The following SH3GLB2 variants were observed in gnomAD, a reference collection of about 807,000 sequenced individuals.
SH3GLB2 encodes the protein endophilin-B2.
SH3GLB2 carries 24 observed loss-of-function variants against 48.0 expected under a neutral mutation model. The ratio of observed to expected loss-of-function variants is 0.50; its 90% CI spans 0.36 to 0.70. The LOEUF is 0.70. Among genes scored for constraint, SH3GLB2 ranks in the 30% least tolerant of loss-of-function variants. The probability of loss-of-function intolerance (pLI) is 0.00; values close to 1 mark genes in which losing one functional copy is unlikely to be tolerated. For missense variants in SH3GLB2, 425 were observed against 516.0 expected, an observed-to-expected ratio of 0.82 and a Z score of 1.71; for synonymous variants, 227 against 207.6, an observed-to-expected ratio of 1.09 and a Z score of -0.80.
In SH3GLB2 at chr9:129,009,096, C is replaced by G. The variant is rs1842929962; in HGVS notation, c.1080+10G>C. 1 of 1,606,352 alleles carries G rather than the reference C, an allele frequency of 6.2e-7. No homozygotes were observed. Among genetic ancestry groups the G allele is most frequent in the Non-Finnish European group, 8.5e-7 (1 of 1,179,702 alleles). ...CCCATTCCTGCCCCACCTTGCGGCA[C>G]CGGGCCCACCTCATCAGCCAGCAGG... On this transcript the variant is annotated intron_variant, in intron 10 of 10. Transcript: ENST00000372564.
intron 10 of SH3GLB2, 136 bp from the exon 11 acceptor site, chr9:129,008,927 A>T: frequency 7.8e-7 from 1 of 1,289,312 alleles, no homozygotes; most frequent in Non-Finnish European, 1.1e-6. Flanking sequence ...CGCTCATCTC[A>T]CTTGCTCCAG....
intron 1 of SH3GLB2, among the ~76,000 whole-genome samples, chr9:129,023,146 G>A (rs1554835165): frequency 6.6e-6 from 1 of 152,210 alleles, no homozygotes; most frequent in Non-Finnish European, 1.5e-5. Flanking sequence ...ATGAGCTGAT[G>A]GGTGCAGAGA....
Position 129,028,296 on chromosome 9 carries a change from G to T in SH3GLB2, c.-142C>A. 2.4e-6 allele frequency: 1 copy of T among 424,988 alleles called. No individual in the cohort carries two copies. The highest frequency in any genetic ancestry group is 3.1e-6 in the Non-Finnish European group (1 of 319,880). 26.3% of individuals were successfully genotyped at this position (424,988 alleles called of 1,614,324 possible). ...CGCCTGCCGGCCTGCCCGCCTGCCC[G>T]CCCGCCGCAGCCGCCGAGCCAGCCC... On this transcript the variant is annotated 5_prime_UTR_variant, in exon 1 of 11. Coordinates refer to ENST00000372564, the MANE Select transcript of SH3GLB2 (RefSeq NM_020145.4).
chr9:129,009,540 C>T (rs953882985), intron 9 of SH3GLB2, 194 bp from the exon 10 acceptor site: 8 of 1,547,678 alleles, frequency 5.2e-6, no homozygotes, highest in East Asian at 2.4e-5. Flanking sequence ...TGCCATCCTC[C>T]CCACCCAGGC....
At chr9:129,013,459 G>A (rs1360750131) in intron 5 of SH3GLB2, 3 of 200,412 alleles carry the variant, frequency 1.5e-5, no homozygotes, top group Non-Finnish European at 3.1e-5. Flanking sequence ...TGCCTTAGAA[G>A]AGGTCATCCC....
intron 1 of SH3GLB2, among the ~76,000 whole-genome samples, chr9:129,027,539 G>A (rs187634404): frequency 6.6e-6 from 1 of 152,232 alleles, no homozygotes; most frequent in African/African-American, 2.4e-5. Context: ...CCATCCCCCA[G>A]GCCCAGGGAC....
At position 129,021,124 on chromosome 9, in the gene SH3GLB2, C is replaced by T. The variant is rs1442625639; in HGVS notation, c.301G>A (p.Ala101Thr). 8 of 1,611,206 alleles carry T rather than the reference C, an allele frequency of 5.0e-6. No homozygotes were observed. The highest frequency in any genetic ancestry group is 3.3e-5 in the South Asian group (3 of 90,858). Residue 101 changes from alanine to threonine, a missense_variant, in exon 3 of 11, where the codon GCG becomes ACG. Transcript: ENST00000372564. ...GELLAQYMAD[A>T]ASELGPTTPY... ...GTGGTCGGCCCCAGCTCACTGGCCG[C>T]GTCTGCCATGTACTGAGCCAGCAGC... is the stretch of plus-strand genomic sequence containing the variant.
intron 1 of SH3GLB2, among the ~76,000 whole-genome samples, chr9:129,026,987 G>A (rs1588345080): frequency 6.6e-6 from 1 of 152,170 alleles, no homozygotes; most frequent in East Asian, 1.9e-4. Flanking sequence ...GGGAGTGCCC[G>A]GGTTGGGGGT....
intron 2 of SH3GLB2, among the ~76,000 whole-genome samples, chr9:129,021,976 A>C (rs1588334524): frequency 6.6e-6 from 1 of 151,684 alleles, no homozygotes; most frequent in Non-Finnish European, 1.5e-5. Context: ...AAAAAAAAAA[A>C]ACCAACAGAG....
intron 7 of SH3GLB2, chr9:129,010,427 C>T: frequency 3.1e-6 from 2 of 638,228 alleles, no homozygotes; most frequent in Non-Finnish European, 5.6e-6. Flanking sequence ...GACCCTTCCT[C>T]CATCACCCAT....
intron 2 of SH3GLB2, 34 bp from the exon 3 acceptor site, chr9:129,021,253 C>G: frequency 6.4e-7 from 1 of 1,574,478 alleles, no homozygotes; most frequent in Non-Finnish European, 8.6e-7. Context: ...CCACAGGGCT[C>G]CTTAGTTCAA....
chr9:129,018,417 A>C (rs756181031), intron 3 of SH3GLB2, among the ~76,000 whole-genome samples: 3 of 151,068 alleles, frequency 2.0e-5, no homozygotes, highest in Non-Finnish European at 4.4e-5. Context: ...CTCTACTAAA[A>C]ACACAAAAAA....
In SH3GLB2 at chr9:129,022,403, G is replaced by A. The variant is rs761227250; in HGVS notation, c.84C>T (p.Gly28=). The change falls in exon 2 of 11, where the codon GGC becomes GGT. Residue 28 remains glycine, a synonymous_variant. Transcript: ENST00000372564. ...RAVQFTEEKF[G]QAEKTELDAH... ...CATCAAGCTCAGTCTTCTCAGCCTG[G>A]CCAAATTTCTCCTCCGTGAACTACG... 1.6e-5 allele frequency: 26 copies of A among 1,611,270 alleles called. No homozygotes were observed. Among genetic ancestry groups the A allele is most frequent in the Non-Finnish European group, 2.1e-5 (25 of 1,178,962 alleles).
At chr9:129,025,463 G>A (rs1371642484) in intron 1 of SH3GLB2, among the ~76,000 whole-genome samples, 1 of 151,840 alleles carries the variant, frequency 6.6e-6, no homozygotes, top group Non-Finnish European at 1.5e-5. Flanking sequence ...TTACTCGGGA[G>A]GCTGAGGCAG....
At chr9:129,020,681 C>G (rs1007141045) in intron 3 of SH3GLB2, among the ~76,000 whole-genome samples, 1 of 151,436 alleles carries the variant, frequency 6.6e-6, no homozygotes, top group African/African-American at 2.4e-5. Context: ...TCCTGGCTAA[C>G]ATGGTGAAAC....
chr9:129,025,698 G>A (rs1844122149), intron 1 of SH3GLB2, among the ~76,000 whole-genome samples: 2 of 151,118 alleles, frequency 1.3e-5, no homozygotes, highest in East Asian at 1.9e-4. Flanking sequence ...TACCCTGATG[G>A]TACCAAGGGC....
chr9:129,023,156 A>G (rs1843923098), intron 1 of SH3GLB2, among the ~76,000 whole-genome samples: 3 of 152,102 alleles, frequency 2.0e-5, no homozygotes, highest in African/African-American at 2.4e-5. Context: ...GGGTGCAGAG[A>G]CGTCTGGGAA....
chr9:129,019,273 A>AGCT (rs1453866699), intron 3 of SH3GLB2, among the ~76,000 whole-genome samples: 1 of 152,008 alleles, frequency 6.6e-6, no homozygotes, highest in Non-Finnish European at 1.5e-5. Flanking sequence ...CTGTAATCCC[A>AGCT]GCTAATCAGG....
intron 5 of SH3GLB2, chr9:129,013,192 T>A: frequency 3.0e-6 from 2 of 676,764 alleles, no homozygotes; most frequent in Non-Finnish European, 5.3e-6. Flanking sequence ...TGTGCGTGCT[T>A]ATGGGGACAG....
Sources: allele counts gnomAD v4.1 joint callset (sites outside exome capture counted in the v4.1 genomes callset), GRCh38; gene constraint gnomAD v4.1.1; transcripts MANE v1.5; gene names NCBI Gene and HGNC (gene_info 2026-07-23, HGNC 2026-07-21).